ADAM8: variants seen among roughly 807,000 people sequenced by gnomAD.
ADAM8 encodes disintegrin and metalloproteinase domain-containing protein 8.
A neutral mutation model predicts 102.4 loss-of-function variants in ADAM8; 104 were observed. The ratio of observed to expected loss-of-function variants is 1.02; its 90% CI spans 0.87 to 1.20. The LOEUF is 1.20. Among genes scored for constraint, ADAM8 ranks in the 50% most tolerant of loss-of-function variants. The pLI is 0.00. For missense variants in ADAM8, 1,132 were observed against 1,159.0 expected (o/e 0.98, Z 0.34); for synonymous variants, 517 against 485.2 (o/e 1.07, Z -0.86).
intron 16 of ADAM8, among the ~76,000 whole-genome samples, 155 bp downstream of exon 16, chr10:133,270,204 AC>A (rs1448815886): frequency 2.6e-5 from 4 of 152,036 alleles, no homozygotes; most frequent in African/African-American, 9.7e-5. Flanking sequence ...GTCTCTCCCC[AC>A]CCCCGGAAAC....
intron 16 of ADAM8, 117 bp from the exon 17 acceptor site, chr10:133,270,091 G>T: frequency 7.9e-7 from 1 of 1,273,340 alleles, no homozygotes; most frequent in Non-Finnish European, 1.1e-6. Flanking sequence ...AGGTGGCTGT[G>T]CTTCAGCCCA....
Position 133,270,993 on chromosome 10 carries a change from AG to A in ADAM8, c.1451del (p.Pro484LeufsTer161). 6.2e-7 allele frequency: 1 copy of A among 1,612,800 alleles called. No homozygotes were observed. The highest frequency in any genetic ancestry group is 8.5e-7 in the Non-Finnish European group (1 of 1,179,948). ...DLEEFCDGRH[P>X]ECPEDAFQEN... Reference sequence around the variant, plus strand: ...CCTGGAAGGCGTCTTCCGGGCACTCAGGGTGCCGGCCGTCACAGAACTCCTC... The same window carrying A: ...CCTGGAAGGCGTCTTCCGGGCACTCAGGTGCCGGCCGTCACAGAACTCCTC... On this transcript the variant is annotated frameshift_variant, in exon 14 of 23. Transcript: ENST00000445355. LOFTEE classifies it high-confidence loss of function.
chr10:133,264,809 C>T (rs1377562728), intron 21 of ADAM8, among the ~76,000 whole-genome samples: 1 of 150,050 alleles, frequency 6.7e-6, no homozygotes, highest in Admixed American at 6.6e-5. Flanking sequence ...GCAGCCTCTG[C>T]CCCACCTACC....
intron 12 of ADAM8, 42 bp from the exon 13 acceptor site, chr10:133,271,331 G>A (rs751660515): frequency 1.8e-5 from 28 of 1,586,544 alleles, no homozygotes; most frequent in Middle Eastern, 2.3e-4. Context: ...CACTGGGGCC[G>A]GGCTGGGCTC....
intron 22 of ADAM8, 102 bp downstream of exon 22, chr10:133,263,585 GA>G (rs1846228747): frequency 1.8e-4 from 15 of 82,460 alleles, no homozygotes; most frequent in South Asian, 2.0e-4. Context: ...CAGATAATCA[GA>G]AAAAAACCCC....
chr10:133,271,917 A>G lies in ADAM8; in HGVS notation c.995T>C (p.Met332Thr), dbSNP rs1371148285. The G allele has an allele frequency of 1.2e-6, 2 of 1,612,534 alleles. No individual in the cohort carries two copies. Among genetic ancestry groups the G allele is most frequent in the Non-Finnish European group, 1.7e-6 (2 of 1,179,766 alleles). The change falls in exon 11 of 23, where the codon ATG becomes ACG. Residue 332 changes from methionine (M) to threonine (T), a missense_variant. Transcript: ENST00000445355. ...CAGGTTGTGGCCCATCTCATGGGCCATGGTACAGGCCACGCCCACGGGGTT... is the reference window on the plus strand; with the variant it reads ...CAGGTTGTGGCCCATCTCATGGGCCGTGGTACAGGCCACGCCCACGGGGTT... The part of the protein sequence containing the change: ...SKNPVGVACT[M>T]AHEMGHNLGM...
rs577641232 is a variant in ADAM8 at position 133,269,460 on chromosome 10, T to G, written c.1933A>C (p.Thr645Pro). Reference protein sequence around the residue: ...WAPPHCAKLLTEVHAASGSLP... With the variant: ...WAPPHCAKLLPEVHAASGSLP... ...GGAGGCCTACCTGCGTGCACCTCAG[T>G]CAGCAGCTTCGCGCAGTGGGGCGGG... is the stretch of plus-strand genomic sequence containing the variant. Residue 645 changes from threonine (T) to proline (P), a missense_variant, in exon 18 of 23, where the codon ACT becomes CCT. Transcript: ENST00000445355. The G allele has an allele frequency of 2.1e-5, 33 of 1,598,810 alleles. 1 individual carries two copies. The South Asian group carries it at 3.4e-4, about 17-fold the overall frequency.
Position 133,273,449 on chromosome 10 carries a change from G to A in ADAM8, c.384-6C>T, listed in dbSNP as rs772885252. The A allele has an allele frequency of 1.3e-6, 2 of 1,531,618 alleles. No individual in the cohort carries two copies. The highest frequency in any genetic ancestry group is 1.2e-5 in the South Asian group (1 of 83,402). 94.9% of individuals were successfully genotyped at this position (1,531,618 alleles called of 1,614,324 possible). The stretch of plus-strand genomic sequence containing the variant: ...ACCCCACCTGGAAGAAACCCCTGAG[G>A]GGAGTGGGAGCCGGGTGTGCTGTGG... On this transcript the variant is annotated splice_region_variant and splice_polypyrimidine_tract_variant and intron_variant, in intron 5 of 22. Transcript: ENST00000445355.
At position 133,273,977 on chromosome 10, in the gene ADAM8, C is replaced by T. The variant is rs573066255; in HGVS notation, c.280G>A (p.Glu94Lys). ...TGCCCGCGAGGCTGCTCCGTCACCT[C>T]GGAGCCATTGGCAGCCGTATAGGTC... is the stretch of plus-strand genomic sequence containing the variant. ...TETYTAANGS[E>K]VTEQPRGQDH... is the part of the protein sequence containing the mutation. Residue 94 changes from glutamate (E) to lysine (K), a missense_variant, in exon 4 of 23, where the codon GAG (glutamate) becomes AAG (lysine). By Grantham distance (56) the Glu-to-Lys change is moderately conservative. Transcript: ENST00000445355. 5.1e-5 allele frequency: 82 copies of T among 1,605,838 alleles called. No homozygotes were observed. The East Asian group carries it at 1.1e-3, about 22-fold the overall frequency.
At chr10:133,263,328 T>A in intron 22 of ADAM8, 95 bp from the exon 23 acceptor site, 1 of 1,225,706 alleles carries the variant, frequency 8.2e-7, no homozygotes, top group Non-Finnish European at 1.1e-6. Context: ...TAACATCTCT[T>A]AAAATGTGGA....
In ADAM8 at chr10:133,272,956, C is replaced by A; in HGVS notation, c.636+1G>T. The A allele has an allele frequency of 1.2e-6, 2 of 1,612,940 alleles. No individual in the cohort carries two copies. The highest frequency in any genetic ancestry group is 1.7e-6 in the Non-Finnish European group (2 of 1,179,896). The stretch of plus-strand genomic sequence containing the variant: ...TCCCACCTTCCCTGCCCCCAACACA[C>A]CTCTGCATTGTCCACGACCACATAC... On this transcript the variant is annotated splice_donor_variant, in intron 7 of 22. Transcript: ENST00000445355. LOFTEE classifies it high-confidence loss of function.
Position 133,276,857 on chromosome 10 carries a change from G to A in ADAM8, c.-40C>T, listed in dbSNP as rs1011109397. The A allele has an allele frequency of 2.6e-6, 4 of 1,511,906 alleles. No homozygotes were observed. The highest frequency in any genetic ancestry group is 3.5e-6 in the Non-Finnish European group (4 of 1,134,838). The allele number at this position is 1,511,906 out of a possible 1,614,324, so 93.7% of individuals were successfully genotyped here. The stretch of plus-strand genomic sequence containing the variant: ...GCAGAGGCGGAGGTGACAGCCCCGC[G>A]GGACACGGTCTGGTTCCTGCGCTCC... On this transcript the variant is annotated 5_prime_UTR_variant, in exon 1 of 23. Coordinates refer to ENST00000445355, the MANE Select transcript of ADAM8 (RefSeq NM_001109.5).
At position 133,268,007 on chromosome 10, in the gene ADAM8, C is replaced by T. The variant is rs1370288037; in HGVS notation, c.2175G>A (p.Glu725=). Residue 725 remains glutamate (E), a synonymous_variant, in exon 20 of 23, where the codon GAG becomes GAA. Transcript: ENST00000445355. ...GAPAPSRGPQ[E]LVPTTHPGQP... ...GGCCCGGGTGGGTGGTGGGGACCAG[C>T]TCTTGGGGGCCCCTGGATGGGGCTG... is the stretch of plus-strand genomic sequence containing the variant. 3 of 1,260,390 alleles carry T rather than the reference C, an allele frequency of 2.4e-6. No homozygotes were observed. The highest frequency in any genetic ancestry group is 2.0e-6 in the Non-Finnish European group (2 of 995,910). 78.1% of individuals were successfully genotyped at this position (1,260,390 alleles called of 1,614,324 possible).
chr10:133,268,569 A>C (rs1227387988), intron 19 of ADAM8, among the ~76,000 whole-genome samples, 179 bp downstream of exon 19: 1 of 152,060 alleles, frequency 6.6e-6, no homozygotes, highest in Non-Finnish European at 1.5e-5. Flanking sequence ...GCACTGGCCG[A>C]GTGGAGCCAG....
rs1846630950 is a variant in ADAM8 at position 133,273,574 on chromosome 10, T to C, written c.384-131A>G. 3.1e-6 allele frequency: 4 copies of C among 1,289,616 alleles called. No homozygotes were observed. In the Admixed American group the frequency reaches 1.1e-4, roughly 34 times the overall value. The allele number at this position is 1,289,616 out of a possible 1,614,324, so 79.9% of individuals were successfully genotyped here. ...CACCAGCAGCCCCCCGCAGGTGACT[T>C]CAGGCCCCAGGGTACAGGAGGGTGA... is the stretch of plus-strand genomic sequence containing the variant. On this transcript the variant is annotated intron_variant, in intron 5 of 22. Coordinates refer to ENST00000445355, the MANE Select transcript of ADAM8 (RefSeq NM_001109.5).
intron 8 of ADAM8, 46 bp from the exon 9 acceptor site, chr10:133,272,631 G>C: frequency 6.4e-7 from 1 of 1,573,062 alleles, no homozygotes; most frequent in Non-Finnish European, 8.6e-7. Context: ...GTGGCGGAAG[G>C]TACAGCAGGG....
rs1379856985 is a variant in ADAM8 at position 133,271,603 on chromosome 10, G to A, written c.1209C>T (p.Ser403=). Residue 403 remains serine (S), a synonymous_variant, in exon 12 of 23, where the codon AGC becomes AGT. Transcript: ENST00000445355. Reference sequence around the variant, plus strand: ...CACACACGGGGCCGCCCACCAGGTGGCTGAGGTCAGGGGCGTTGGCGAGGC... The same window carrying A: ...CACACACGGGGCCGCCCACCAGGTGACTGAGGTCAGGGGCGTTGGCGAGGC... ...SVCLANAPDL[S]HLVGGPVCGN... 1.3e-6 allele frequency: 2 copies of A among 1,557,712 alleles called. No individual in the cohort carries two copies. Among genetic ancestry groups the A allele is most frequent in the Admixed American group, 2.0e-5 (1 of 51,246 alleles).
In ADAM8 at chr10:133,271,024, T is replaced by C; in HGVS notation, c.1421A>G (p.Asp474Gly). 1 of 1,612,692 alleles carries C rather than the reference T, an allele frequency of 6.2e-7. No homozygotes were observed. The highest frequency in any genetic ancestry group is 1.1e-5 in the South Asian group (1 of 91,072). ...ELCRPKKDMC[D>G]LEEFCDGRHP... ...CCGGCCGTCACAGAACTCCTCGAGG[T>C]CACACATGTCCTTCTTGGGACGGCA... Residue 474 changes from aspartate (D) to glycine (G), a missense_variant, in exon 14 of 23, where the codon GAC becomes GGC. Transcript: ENST00000445355.
intron 11 of ADAM8, 47 bp downstream of exon 11, chr10:133,271,759 C>G (rs1846535739): frequency 1.2e-6 from 2 of 1,601,076 alleles, no homozygotes; most frequent in Non-Finnish European, 1.7e-6. Flanking sequence ...CCCCACCCAC[C>G]TCGTACCTCC....
Sources: gnomAD v4.1 joint callset for allele counts (sites outside exome capture counted in the v4.1 genomes callset) on GRCh38, gnomAD v4.1.1 for gene constraint, MANE v1.5 for transcripts, NCBI Gene and HGNC (gene_info 2026-07-23, HGNC 2026-07-21) for gene names.